HEATR5B: variants seen among roughly 807,000 people sequenced by gnomAD.
HEATR5B encodes the protein HEAT repeat-containing protein 5B.
Under a neutral mutation model 224.1 loss-of-function variants are expected in HEATR5B, and 156 were observed. The observed-to-expected ratio is 0.70, with a 90% CI of 0.61 to 0.80. HEATR5B has a LOEUF of 0.80. Among genes scored for constraint, HEATR5B ranks in the 30% least tolerant of loss-of-function variants. The pLI, the probability that HEATR5B is intolerant of heterozygous loss-of-function variation, is 0.00. For synonymous variants in HEATR5B, 1,027 were observed against 893.0 expected, an observed-to-expected ratio of 1.15 and a Z score of -2.68; for missense variants, 2,323 against 2,535.5, an observed-to-expected ratio of 0.92 and a Z score of 1.80.
At chr2:37,055,473 A>G (rs945416262) in intron 16 of HEATR5B, among the ~76,000 whole-genome samples, 4 of 152,206 alleles carry the variant, frequency 2.6e-5, no homozygotes, top group Non-Finnish European at 5.9e-5. Context: ...GTTGAAATAG[A>G]TGCTTTATAA....
intron 17 of HEATR5B, among the ~76,000 whole-genome samples, chr2:37,050,098 T>G (rs2706809): frequency 0.63 from 95,354 of 151,658 alleles, 31,224 homozygotes; most frequent in African/African-American, 0.82. Flanking sequence ...TTACTAAGTT[T>G]CCCAGGCTGG....
At chr2:36,986,944 G>T (rs192765578) in intron 35 of HEATR5B, among the ~76,000 whole-genome samples, 99 of 151,862 alleles carry the variant, frequency 6.5e-4, no homozygotes, top group African/African-American at 2.3e-3. Flanking sequence ...GTAGAGATGG[G>T]GTTCCACCAC....
chr2:37,053,836 G>A (rs888755065), intron 16 of HEATR5B, among the ~76,000 whole-genome samples: 24 of 151,428 alleles, frequency 1.6e-4, no homozygotes, highest in South Asian at 8.4e-4. Context: ...AACAAAATAA[G>A]GTCACAATTG....
At position 36,997,851 on chromosome 2, in the gene HEATR5B, C is replaced by T. The variant is rs527809883; in HGVS notation, c.5545+2735G>A. Among the ~76,000 whole-genome samples, 266 of 152,322 alleles carry T rather than the reference C, an allele frequency of 1.7e-3. 3 individuals are homozygous for T. The highest frequency in any genetic ancestry group is 6.2e-3 in the African/African-American group (257 of 41,570). ...AAAGTCCTGGGATTACAGGCGTGAG[C>T]CACCACGCCGACCAGTCCTCTGCCA... On this transcript the variant is annotated intron_variant, in intron 33 of 35. Coordinates refer to ENST00000233099, the MANE Select transcript of HEATR5B (RefSeq NM_019024.3).
Position 37,058,807 on chromosome 2 carries a change from GAAGA to G in HEATR5B, c.1949+77_1949+80del. On this transcript the variant is annotated intron_variant, in intron 13 of 35. Transcript: ENST00000233099. The stretch of plus-strand genomic sequence containing the variant: ...GTTTTATGTTTCCTAGATGATTCTA[GAAGA>G]AAGCACAAAATATGGCTGAGAAGTA... 3.3e-6 allele frequency: 3 copies of G among 898,928 alleles called. No homozygotes were observed. The South Asian group carries it at 5.2e-5, about 16-fold the overall frequency. The allele number at this position is 898,928 out of a possible 1,614,324, so 55.7% of individuals were successfully genotyped here.
At chr2:37,027,024 C>A (rs1443844483) in intron 24 of HEATR5B, among the ~76,000 whole-genome samples, 1 of 152,154 alleles carries the variant, frequency 6.6e-6, no homozygotes, top group Non-Finnish European at 1.5e-5. Flanking sequence ...GTTTTGAACT[C>A]CTGACCTCAA....
At chr2:37,049,109 C>G (rs1572887259) in intron 18 of HEATR5B, among the ~76,000 whole-genome samples, 1 of 152,154 alleles carries the variant, frequency 6.6e-6, no homozygotes. Flanking sequence ...AATGAAACAT[C>G]ACTAATAACT....
In HEATR5B at chr2:37,079,103, T is replaced by C. The variant is rs375287196; in HGVS notation, c.338+17A>G. The C allele has an allele frequency of 1.3e-6, 2 of 1,486,642 alleles. No homozygotes were observed. The highest frequency in any genetic ancestry group is 1.2e-5 in the South Asian group (1 of 84,452). 92.1% of individuals were successfully genotyped at this position (1,486,642 alleles called of 1,614,324 possible). A position where few individuals can be genotyped will look rare whatever the true frequency, so the allele number is the denominator to read the frequency against. On this transcript the variant is annotated intron_variant, in intron 3 of 35. Coordinates refer to ENST00000233099, the MANE Select transcript of HEATR5B (RefSeq NM_019024.3). ...AAAAATAAAACTTCAAGGGCCCCTATTAAAGTAAGTACTTACAATTTTGTT... is the reference window on the plus strand; with the variant it reads ...AAAAATAAAACTTCAAGGGCCCCTACTAAAGTAAGTACTTACAATTTTGTT...
At chr2:37,081,978 GA>G (rs1304855281) in intron 2 of HEATR5B, among the ~76,000 whole-genome samples, 3 of 135,538 alleles carry the variant, frequency 2.2e-5, no homozygotes, top group Non-Finnish European at 4.6e-5. Context: ...GCCCTGCTGA[GA>G]AAAGTTTTTA....
chr2:37,078,506 C>T (rs1225142265), intron 3 of HEATR5B, among the ~76,000 whole-genome samples: 4 of 152,214 alleles, frequency 2.6e-5, no homozygotes, highest in Non-Finnish European at 5.9e-5. Context: ...AAAGTATTAA[C>T]ATAGCTTCAA....
At chr2:37,054,547 C>T (rs1398846456) in intron 16 of HEATR5B, among the ~76,000 whole-genome samples, 1 of 138,958 alleles carries the variant, frequency 7.2e-6, no homozygotes, top group South Asian at 2.3e-4. Flanking sequence ...TGCAATGGTG[C>T]AATCTTGCCT....
chr2:37,028,795 G>C lies in HEATR5B; in HGVS notation c.3487C>G (p.Arg1163Gly). 12 of 1,614,022 alleles carry C rather than the reference G, an allele frequency of 7.4e-6. No homozygotes were observed. The highest frequency in any genetic ancestry group is 9.3e-6 in the Non-Finnish European group (11 of 1,179,988). ...LFGMLDRETD[R>G]KLCSDIHDTL... ...TCATGAATATCAGAACATAATTTTC[G>C]ATCTGTCTCCCGGTCTAGCATTCCA... is the stretch of plus-strand genomic sequence containing the variant. Residue 1163 changes from arginine to glycine, a missense_variant, in exon 23 of 36, where the codon CGA (arginine) becomes GGA (glycine). Physicochemically the swap from Arg to Gly is moderately radical, Grantham distance 125. This residue lies in a region of HEATR5B where 339 missense variants were observed against 378.4 expected (regional missense o/e 0.90). Coordinates refer to ENST00000233099, the MANE Select transcript of HEATR5B (RefSeq NM_019024.3).
intron 27 of HEATR5B, among the ~76,000 whole-genome samples, chr2:37,010,742 G>A (rs1032236898): frequency 1.3e-5 from 2 of 151,906 alleles, no homozygotes; most frequent in Non-Finnish European, 2.9e-5. Flanking sequence ...TCAAACTCCT[G>A]ACCGCAGGTG....
At position 37,081,516 on chromosome 2, in the gene HEATR5B, T is replaced by C. The variant is rs76545434; in HGVS notation, c.126+1773A>G. Among the ~76,000 whole-genome samples the C allele has an allele frequency of 2.7e-3, 414 of 152,306 alleles. 12 individuals carry two copies. In the East Asian group the frequency reaches 0.069, roughly 25 times the overall value. ...CAACAGGGAAAGCTGCAAAATGACC[T>C]AACTTACAACACAGGACCCCCTAAG... On this transcript the variant is annotated intron_variant, in intron 2 of 35. Transcript: ENST00000233099.
chr2:37,013,960 G>A lies in HEATR5B; in HGVS notation c.4165C>T (p.His1389Tyr). The A allele has an allele frequency of 6.2e-7, 1 of 1,611,514 alleles. No individual in the cohort carries two copies. Among genetic ancestry groups the A allele is most frequent in the Non-Finnish European group, 8.5e-7 (1 of 1,178,492 alleles). ...VSDLNDLRRV[H>Y]NLLVSSLDKV... ...TCCAGAGAAGAAACAAGAAGATTGT[G>A]TACTCGACGGAGATCATTGAGATCA... is the stretch of plus-strand genomic sequence containing the variant. The change falls in exon 27 of 36, where the codon CAC becomes TAC. Residue 1389 changes from histidine (H) to tyrosine (Y), a missense_variant. His to Tyr is a moderately conservative substitution (Grantham distance 83). Coordinates refer to ENST00000233099, the MANE Select transcript of HEATR5B (RefSeq NM_019024.3).
At chr2:37,033,029 T>C (rs1431534972) in intron 21 of HEATR5B, among the ~76,000 whole-genome samples, 1 of 151,866 alleles carries the variant, frequency 6.6e-6, no homozygotes, top group Non-Finnish European at 1.5e-5. Context: ...TACAGGTGCC[T>C]GCCACCACAC....
At chr2:37,004,896 A>AG (rs1453126960) in intron 30 of HEATR5B, among the ~76,000 whole-genome samples, 1 of 152,118 alleles carries the variant, frequency 6.6e-6, no homozygotes, top group East Asian at 1.9e-4. Context: ...TTATGAAAAA[A>AG]GCCTCAGAAC....
chr2:37,055,434 T>C (rs1435854482), intron 16 of HEATR5B, among the ~76,000 whole-genome samples: 1 of 152,206 alleles, frequency 6.6e-6, no homozygotes, highest in African/African-American at 2.4e-5. Flanking sequence ...CTCTTAGATA[T>C]GGATGTCCTT....
rs1415869125 is a variant in HEATR5B at position 37,064,976 on chromosome 2, C to A, written c.1348G>T (p.Val450Leu). The part of the protein sequence containing the change: ...QEASIGLLEI[V>L]TSVLLHPSMA... ...CTTGGATGAAGCAGCACTGAAGTCA[C>A]AATCTCCAAAAGCCCTAAACAAGAA... The change falls in exon 10 of 36, where the codon GTG (valine) becomes TTG (leucine). Residue 450 changes from valine (V) to leucine (L), a missense_variant. Val to Leu is a conservative substitution (Grantham distance 32, BLOSUM62 1). Around this residue, in one of 12 missense-constraint regions of HEATR5B, gnomAD observed 502 missense variants for 517.8 expected, o/e 0.97. Transcript: ENST00000233099. 1 of 1,613,928 alleles carries A rather than the reference C, an allele frequency of 6.2e-7. No individual in the cohort carries two copies. Among genetic ancestry groups the A allele is most frequent in the South Asian group, 1.1e-5 (1 of 91,082 alleles).
Sources: gnomAD v4.1 joint callset for allele counts (sites outside exome capture counted in the v4.1 genomes callset) on GRCh38, gnomAD v4.1.1 for gene constraint, gnomAD v4.1.1 regional missense constraint, MANE v1.5 for transcripts, NCBI Gene and HGNC (gene_info 2026-07-23, HGNC 2026-07-21) for gene names.